Variants in CELF4 observed in about 807,000 individuals in gnomAD.
CELF4 encodes the protein CUGBP Elav-like family member 4, also known as CUG-BP- and ETR-3-like factor 4.
In CELF4, 18 loss-of-function variants were observed where a neutral mutation model predicts 59.9. The observed-to-expected ratio is 0.30, with a 90% CI of 0.21 to 0.45. CELF4 has a LOEUF of 0.45. Ranked by LOEUF, CELF4 falls within the 20% of genes least tolerant of loss-of-function variation. CELF4 has a pLI of 1.00. For synonymous variants in CELF4, 261 were observed against 267.1 expected, an observed-to-expected ratio of 0.98 and a Z score of 0.22; for missense variants, 456 against 689.0, an observed-to-expected ratio of 0.66 and a Z score of 3.79.
At chr18:37,323,090 T>A (rs1325036354) in intron 2 of CELF4, among the ~76,000 whole-genome samples, 1 of 151,546 alleles carries the variant, frequency 6.6e-6, no homozygotes, top group East Asian at 1.9e-4. Flanking sequence ...TCGAAGTGAG[T>A]TTTGGCTGCG....
intron 1 of CELF4, among the ~76,000 whole-genome samples, chr18:37,523,971 C>T (rs1483029445): frequency 2.0e-5 from 3 of 152,204 alleles, no homozygotes; most frequent in Non-Finnish European, 4.4e-5. Context: ...ATGCTTTCTG[C>T]CTCCCAGCAG....
At chr18:37,531,702 T>A (rs1407308529) in intron 1 of CELF4, among the ~76,000 whole-genome samples, 1 of 152,162 alleles carries the variant, frequency 6.6e-6, no homozygotes, top group Non-Finnish European at 1.5e-5. Flanking sequence ...AGGATTTCCA[T>A]CATGGAAGTG....
chr18:37,307,801 T>G (rs1421613948), intron 3 of CELF4, among the ~76,000 whole-genome samples: 1 of 151,754 alleles, frequency 6.6e-6, no homozygotes, highest in Non-Finnish European at 1.5e-5. Context: ...AGGAGTTAAC[T>G]GACATAAAGG....
chr18:37,343,552 C>A (rs928064041), intron 2 of CELF4, among the ~76,000 whole-genome samples: 5 of 151,950 alleles, frequency 3.3e-5, no homozygotes, highest in Admixed American at 1.3e-4. Context: ...TCCCATCCCA[C>A]CCCTGGTATA....
chr18:37,441,192 A>G (rs1465419264), intron 2 of CELF4, among the ~76,000 whole-genome samples: 4 of 152,044 alleles, frequency 2.6e-5, no homozygotes, highest in Non-Finnish European at 5.9e-5. Flanking sequence ...ATCCTGAAGG[A>G]AGCTCCAGCC....
At chr18:37,459,082 C>T (rs889403737) in intron 2 of CELF4, among the ~76,000 whole-genome samples, 29 of 152,216 alleles carry the variant, frequency 1.9e-4, no homozygotes, top group Admixed American at 1.7e-3. Flanking sequence ...CCGGGCTCAT[C>T]GCTGATGACA....
At chr18:37,347,363 C>T (rs1387345158) in intron 2 of CELF4, among the ~76,000 whole-genome samples, 21 of 152,044 alleles carry the variant, frequency 1.4e-4, no homozygotes, top group Non-Finnish European at 2.9e-5. Context: ...GAAGCCGTGT[C>T]CCTCAATCAG....
At chr18:37,295,763 T>C (rs1256840325) in intron 3 of CELF4, among the ~76,000 whole-genome samples, 2 of 152,148 alleles carry the variant, frequency 1.3e-5, no homozygotes, top group South Asian at 2.1e-4. Context: ...GTCTCCAACA[T>C]ACAGCATCCG....
At chr18:37,486,871 C>A (rs1321062397) in intron 1 of CELF4, among the ~76,000 whole-genome samples, 1 of 152,370 alleles carries the variant, frequency 6.6e-6, no homozygotes, top group East Asian at 1.9e-4. Flanking sequence ...CCCATGTTCA[C>A]TTCTCCGAAA....
chr18:37,256,791 G>A (rs1019089912), intron 11 of CELF4, among the ~76,000 whole-genome samples: 1 of 152,032 alleles, frequency 6.6e-6, no homozygotes, highest in Non-Finnish European at 1.5e-5. Context: ...CACCATGTTG[G>A]CCAGGCTGGT....
At chr18:37,499,431 A>T (rs2099928949) in intron 1 of CELF4, among the ~76,000 whole-genome samples, 1 of 152,134 alleles carries the variant, frequency 6.6e-6, no homozygotes, top group South Asian at 2.1e-4. Context: ...GGTTTACAGG[A>T]GGCAGATCTC....
At chr18:37,501,807 A>C (rs1339267827) in intron 1 of CELF4, among the ~76,000 whole-genome samples, 2 of 152,230 alleles carry the variant, frequency 1.3e-5, no homozygotes, top group Non-Finnish European at 2.9e-5. Context: ...ATTTGCAGTC[A>C]GCCAGTGTGC....
intron 2 of CELF4, among the ~76,000 whole-genome samples, chr18:37,397,061 G>A (rs2099253939): frequency 6.6e-6 from 1 of 152,146 alleles, no homozygotes; most frequent in Admixed American, 6.5e-5. Context: ...CCAGGGGGGA[G>A]GTGAGCGGAT....
intron 2 of CELF4, among the ~76,000 whole-genome samples, chr18:37,390,304 C>T (rs2154576039): frequency 6.6e-6 from 1 of 152,316 alleles, no homozygotes; most frequent in Middle Eastern, 3.4e-3. Context: ...GCTCCCAGAG[C>T]CCTGGGGATG....
intron 3 of CELF4, chr18:37,305,421 T>C (rs1312630985): frequency 1.3e-5 from 2 of 152,264 alleles, no homozygotes; most frequent in East Asian, 1.9e-4. Flanking sequence ...CTAATTTAGG[T>C]CAGCAAGTGC....
intron 2 of CELF4, among the ~76,000 whole-genome samples, chr18:37,334,200 T>C (rs1196387676): frequency 6.6e-6 from 1 of 152,176 alleles, no homozygotes; most frequent in Non-Finnish European, 1.5e-5. Flanking sequence ...CCCCAACTCA[T>C]CTCCCATGCA....
intron 2 of CELF4, among the ~76,000 whole-genome samples, chr18:37,414,465 T>TCCATCTAC (rs2099509439): frequency 6.6e-6 from 1 of 151,298 alleles, no homozygotes; most frequent in African/African-American, 2.4e-5. Flanking sequence ...CTTCTATCTA[T>TCCATCTAC]CCATCTACCC....
intron 3 of CELF4, among the ~76,000 whole-genome samples, chr18:37,299,325 A>T (rs1309133348): frequency 6.6e-6 from 1 of 152,132 alleles, no homozygotes; most frequent in Admixed American, 6.5e-5. Flanking sequence ...TATGTTGTTT[A>T]TATGTTGTTT....
At chr18:37,342,363 G>A (rs747260416) in intron 2 of CELF4, among the ~76,000 whole-genome samples, 9 of 152,140 alleles carry the variant, frequency 5.9e-5, no homozygotes, top group African/African-American at 9.7e-5. Context: ...CTCTGAGCAG[G>A]TTAGGCCTGG....
Sources: gnomAD v4.1 joint callset for allele counts (sites outside exome capture counted in the v4.1 genomes callset) on GRCh38, gnomAD v4.1.1 for gene constraint, MANE v1.5 for transcripts, NCBI Gene and HGNC (gene_info 2026-07-23, HGNC 2026-07-21) for gene names.